EPHA7: variants seen among roughly 807,000 people sequenced by gnomAD.
The protein encoded by EPHA7 is EPH receptor A7, also known as ephrin type-A receptor 7.
Under a neutral mutation model 112.6 loss-of-function variants are expected in EPHA7, and 25 were observed. The observed-to-expected ratio is 0.22, with a 90% CI of 0.16 to 0.31. The LOEUF is 0.31. EPHA7 is among the 10% of genes least tolerant of loss of function. The pLI, the probability that EPHA7 is intolerant of heterozygous loss-of-function variation, is 1.00. For synonymous variants in EPHA7, 437 were observed against 406.5 expected (o/e 1.07, Z -0.90); for missense variants, 962 against 1,212.6 (o/e 0.79, Z 3.07).
intron 3 of EPHA7, among the ~76,000 whole-genome samples, chr6:93,393,570 A>G (rs1778013187): frequency 1.3e-5 from 2 of 151,924 alleles, no homozygotes; most frequent in African/African-American, 4.8e-5. Flanking sequence ...TGATTAACAT[A>G]TTTTTTAAAA....
chr6:93,296,144 T>C (rs1772651318), intron 5 of EPHA7, among the ~76,000 whole-genome samples: 1 of 151,512 alleles, frequency 6.6e-6, no homozygotes, highest in South Asian at 2.1e-4. Context: ...CATAGCCCCT[T>C]ATAGATTTAA....
At chr6:93,358,467 A>C in intron 3 of EPHA7, 56 bp from the exon 4 acceptor site, 2 of 1,447,788 alleles carry the variant, frequency 1.4e-6, no homozygotes, top group African/African-American at 1.4e-5. Context: ...GATCTTTAAA[A>C]AAAAATTGTA....
chr6:93,410,560 A>G lies in EPHA7; in HGVS notation c.773T>C (p.Val258Ala). 2 of 1,614,026 alleles carry G rather than the reference A, an allele frequency of 1.2e-6. No homozygotes were observed. Among genetic ancestry groups the G allele is most frequent in the Non-Finnish European group, 1.7e-6 (2 of 1,179,932 alleles). The change falls in exon 3 of 17, where the codon GTG (valine) becomes GCG (alanine). Residue 258 changes from valine to alanine, a missense_variant. Coordinates refer to ENST00000369303, the MANE Select transcript of EPHA7 (RefSeq NM_004440.4). The surrounding 1 kb of genome is among the most constrained non-coding windows in gnomAD (Gnocchi z 4.0). ...MHCSAEGEWL[V>A]PIGKCICKAG... ...TTTGCAGATACATTTTCCAATGGGC[A>G]CTAACCATTCTCCTTCTGCACTGCA... is the stretch of plus-strand genomic sequence containing the variant.
intron 3 of EPHA7, among the ~76,000 whole-genome samples, chr6:93,395,747 C>A (rs1778139428): frequency 6.6e-6 from 1 of 151,770 alleles, no homozygotes; most frequent in Non-Finnish European, 1.5e-5. Context: ...TTGGTGTCAA[C>A]AGAAGAGGCT....
At chr6:93,322,375 C>T (rs1774116775) in intron 5 of EPHA7, among the ~76,000 whole-genome samples, 2 of 151,504 alleles carry the variant, frequency 1.3e-5, no homozygotes, top group South Asian at 2.1e-4. Context: ...AATTTTGTAT[C>T]GCTTAAAATC....
At chr6:93,382,313 A>G (rs1777376850) in intron 3 of EPHA7, among the ~76,000 whole-genome samples, 1 of 152,096 alleles carries the variant, frequency 6.6e-6, no homozygotes, top group African/African-American at 2.4e-5. Context: ...AATCTCATTA[A>G]AAGTATGTAA....
chr6:93,370,267 T>C (rs565243065), intron 3 of EPHA7, among the ~76,000 whole-genome samples: 1 of 152,128 alleles, frequency 6.6e-6, no homozygotes, highest in Non-Finnish European at 1.5e-5. Flanking sequence ...GGCAAAAATT[T>C]AAAGAATAAT....
intron 16 of EPHA7, among the ~76,000 whole-genome samples, chr6:93,244,966 C>A (rs1769881054): frequency 6.6e-6 from 1 of 152,146 alleles, no homozygotes; most frequent in Non-Finnish European, 1.5e-5. Context: ...GTGTTTAGAA[C>A]ACCAGCTATG....
chr6:93,334,786 C>T (rs1774777419), intron 5 of EPHA7, among the ~76,000 whole-genome samples: 1 of 152,040 alleles, frequency 6.6e-6, no homozygotes, highest in African/African-American at 2.4e-5. Flanking sequence ...GATGCAAATC[C>T]ATTTCATTCT....
intron 5 of EPHA7, among the ~76,000 whole-genome samples, chr6:93,353,528 T>C (rs1436361368): frequency 6.6e-6 from 1 of 152,158 alleles, no homozygotes; most frequent in Non-Finnish European, 1.5e-5. Context: ...TGCACTCACA[T>C]TATTTTCCCT....
intron 3 of EPHA7, among the ~76,000 whole-genome samples, chr6:93,403,687 G>A (rs1467107632): frequency 2.7e-5 from 4 of 150,910 alleles, no homozygotes; most frequent in Non-Finnish European, 5.9e-5. Flanking sequence ...AGAAAAAGGA[G>A]AGATCACCTA....
At chr6:93,263,799 T>C in intron 9 of EPHA7, 61 bp downstream of exon 9, 2 of 1,405,346 alleles carry the variant, frequency 1.4e-6, no homozygotes. Context: ...ATGCCAATGC[T>C]AATAACCAGA....
chr6:93,357,413 A>G lies in EPHA7; in HGVS notation c.989-361T>C, dbSNP rs77559132. ...AAAAACAGCTGTGCAGTAGTTTAAAAATAGTTCTCCTTTTAACCACATAAC... is the reference window on the plus strand; with the variant it reads ...AAAAACAGCTGTGCAGTAGTTTAAAGATAGTTCTCCTTTTAACCACATAAC... On this transcript the variant is annotated intron_variant, in intron 4 of 16. Coordinates refer to ENST00000369303, the MANE Select transcript of EPHA7 (RefSeq NM_004440.4). Among the ~76,000 whole-genome samples, 903 of 152,308 alleles carry G rather than the reference A, an allele frequency of 5.9e-3. 7 individuals carry two copies. The highest frequency in any genetic ancestry group is 0.02 in the African/African-American group (832 of 41,572).
chr6:93,384,209 C>T (rs1294031549), intron 3 of EPHA7, among the ~76,000 whole-genome samples: 1 of 152,100 alleles, frequency 6.6e-6, no homozygotes, highest in Non-Finnish European at 1.5e-5. Flanking sequence ...TTACTAAACA[C>T]TAGTTCTACC....
At chr6:93,264,020 A>C in intron 8 of EPHA7, 105 bp from the exon 9 acceptor site, 1 of 744,498 alleles carries the variant, frequency 1.3e-6, no homozygotes, top group Non-Finnish European at 2.1e-6. Flanking sequence ...AGTTAAATTT[A>C]CTGTTCATAG....
chr6:93,364,686 G>C (rs1776423242), intron 3 of EPHA7, among the ~76,000 whole-genome samples: 1 of 151,624 alleles, frequency 6.6e-6, no homozygotes, highest in Non-Finnish European at 1.5e-5. Flanking sequence ...ATTTTATAAA[G>C]TTGCATTTAG....
chr6:93,350,868 GCTGT>G (rs1327919798), intron 5 of EPHA7, among the ~76,000 whole-genome samples: 1 of 151,810 alleles, frequency 6.6e-6, no homozygotes, highest in Non-Finnish European at 1.5e-5. Context: ...CGGTTTCCCC[GCTGT>G]CTATCAGAAA....
At position 93,397,807 on chromosome 6, in the gene EPHA7, T is replaced by G. The variant is rs374873429; in HGVS notation, c.832+12694A>C. Among the ~76,000 whole-genome samples the G allele has an allele frequency of 9.0e-4, 137 of 152,092 alleles. 2 individuals are homozygous for G. In the South Asian group the frequency reaches 0.028, roughly 31 times the overall value. On this transcript the variant is annotated intron_variant, in intron 3 of 16. Transcript: ENST00000369303. ...TTGGTTTTGTTATTTTCTTTCATAT[T>G]ATACACTACAAAGTGGTTTTTAAAA...
At chr6:93,292,844 G>C (rs1335456911) in intron 5 of EPHA7, among the ~76,000 whole-genome samples, 1 of 152,140 alleles carries the variant, frequency 6.6e-6, no homozygotes, top group Non-Finnish European at 1.5e-5. Flanking sequence ...GTGATAGAGA[G>C]AGGTATTCAA....
Sources: allele counts gnomAD v4.1 joint callset (sites outside exome capture counted in the v4.1 genomes callset), GRCh38; gene constraint gnomAD v4.1.1; non-coding constraint Gnocchi (gnomAD v3.1); transcripts MANE v1.5; gene names NCBI Gene and HGNC (gene_info 2026-07-23, HGNC 2026-07-21).